KCNIP4: variants seen among roughly 807,000 people sequenced by gnomAD.
The protein encoded by KCNIP4 is potassium voltage-gated channel interacting protein 4.
Under a neutral mutation model 34.0 loss-of-function variants are expected in KCNIP4, and 12 were observed. That is an observed-to-expected ratio of 0.35 (90% CI 0.23 to 0.57). The LOEUF is 0.57. Among genes scored for constraint, KCNIP4 ranks in the 20% least tolerant of loss-of-function variants. The pLI, the probability that KCNIP4 is intolerant of heterozygous loss-of-function variation, is 0.83. For missense variants in KCNIP4, 238 were observed against 311.7 expected (o/e 0.76, Z 1.78); for synonymous variants, 124 against 102.2 (o/e 1.21, Z -1.29).
chr4:21,387,878 G>A (rs1056579432), intron 1 of KCNIP4, among the ~76,000 whole-genome samples: 1 of 152,162 alleles, frequency 6.6e-6, no homozygotes, highest in Non-Finnish European at 1.5e-5. Flanking sequence ...ACTATGACAG[G>A]TGTGGTGCTA....
At chr4:21,882,281 A>C (rs966815444) in intron 1 of KCNIP4, among the ~76,000 whole-genome samples, 4 of 152,152 alleles carry the variant, frequency 2.6e-5, no homozygotes, top group Non-Finnish European at 5.9e-5. Context: ...CACCACTGTG[A>C]GTGAAAAAAT....
At chr4:20,914,647 G>C (rs1379468772) in intron 1 of KCNIP4, among the ~76,000 whole-genome samples, 1 of 152,116 alleles carries the variant, frequency 6.6e-6, no homozygotes, top group Admixed American at 6.6e-5. Context: ...ATCACTATAG[G>C]CACTTAGAGA....
chr4:21,302,129 T>G (rs898402051), intron 1 of KCNIP4, among the ~76,000 whole-genome samples: 8 of 152,086 alleles, frequency 5.3e-5, no homozygotes, highest in African/African-American at 1.9e-4. Context: ...AAGAGAGAAA[T>G]TGTTCATACA....
intron 1 of KCNIP4, among the ~76,000 whole-genome samples, chr4:21,386,486 A>G (rs959337885): frequency 1.3e-5 from 2 of 152,190 alleles, no homozygotes; most frequent in Non-Finnish European, 2.9e-5. Flanking sequence ...TGTTGGCAAA[A>G]CACATAATTT....
intron 1 of KCNIP4, among the ~76,000 whole-genome samples, chr4:21,063,253 T>C: frequency 6.6e-6 from 1 of 152,136 alleles, no homozygotes. Context: ...GTCTGTTGCT[T>C]AAGCCACCCA....
intron 3 of KCNIP4, among the ~76,000 whole-genome samples, chr4:20,784,682 G>T (rs980219770): frequency 6.6e-6 from 1 of 151,820 alleles, no homozygotes; most frequent in African/African-American, 2.4e-5. Flanking sequence ...CAAAGTTATG[G>T]AATGTGTAGG....
intron 1 of KCNIP4, among the ~76,000 whole-genome samples, chr4:21,702,379 A>G (rs1712928016): frequency 6.6e-6 from 1 of 152,162 alleles, no homozygotes; most frequent in Admixed American, 6.6e-5. Flanking sequence ...AGCTCCAAAT[A>G]CAATCACATT....
intron 1 of KCNIP4, among the ~76,000 whole-genome samples, chr4:21,505,193 A>C (rs1415150107): frequency 1.3e-5 from 2 of 152,108 alleles, no homozygotes; most frequent in Non-Finnish European, 2.9e-5. Flanking sequence ...CATGTTCTTG[A>C]ACTGGTTCTG....
At chr4:21,321,806 AGAG>A (rs1250986442) in intron 1 of KCNIP4, among the ~76,000 whole-genome samples, 1 of 49,682 alleles carries the variant, frequency 2.0e-5, no homozygotes, top group Non-Finnish European at 4.3e-5. Context: ...GGGAGGGAGA[AGAG>A]GAGGGAAGGA....
chr4:21,798,576 AAGAAAGAAAG>A (rs1412672576), intron 1 of KCNIP4, among the ~76,000 whole-genome samples: 2 of 117,836 alleles, frequency 1.7e-5, no homozygotes, highest in South Asian at 2.6e-4. Flanking sequence ...GAAAGAAAGA[AAGAAAGAAAG>A]AGAAAAAATG....
intron 3 of KCNIP4, among the ~76,000 whole-genome samples, chr4:20,846,303 GT>G (rs1226475783): frequency 6.6e-6 from 1 of 152,104 alleles, no homozygotes; most frequent in Non-Finnish European, 1.5e-5. Flanking sequence ...GGAAGACTAG[GT>G]TATATATTAT....
intron 1 of KCNIP4, among the ~76,000 whole-genome samples, chr4:21,381,504 C>T (rs557355100): frequency 6.6e-6 from 1 of 152,072 alleles, no homozygotes; most frequent in African/African-American, 2.4e-5. Context: ...AGCATTACTC[C>T]CACCCAAATC....
At chr4:20,932,563 C>T (rs2149603881) in intron 1 of KCNIP4, among the ~76,000 whole-genome samples, 1 of 151,914 alleles carries the variant, frequency 6.6e-6, no homozygotes. Flanking sequence ...CTGCCTTTTC[C>T]CCAACCCCCA....
At chr4:20,925,954 C>G (rs537477433) in intron 1 of KCNIP4, among the ~76,000 whole-genome samples, 306 of 152,286 alleles carry the variant, frequency 2.0e-3, no homozygotes, top group African/African-American at 6.8e-3. Flanking sequence ...CTGATAAAAG[C>G]TCATTAGAGA....
At chr4:21,896,422 G>T (rs1034155552) in intron 1 of KCNIP4, among the ~76,000 whole-genome samples, 2 of 152,140 alleles carry the variant, frequency 1.3e-5, no homozygotes, top group Admixed American at 1.3e-4. Flanking sequence ...AAAAGGACTT[G>T]TGTTTGCAAC....
At chr4:21,255,394 C>T (rs1205909238) in intron 1 of KCNIP4, among the ~76,000 whole-genome samples, 3 of 151,776 alleles carry the variant, frequency 2.0e-5, no homozygotes, top group Admixed American at 2.0e-4. Flanking sequence ...CAGTTTTTTT[C>T]TTATCTCCCC....
At chr4:20,742,847 G>C (rs1751480222) in intron 5 of KCNIP4, among the ~76,000 whole-genome samples, 1 of 152,148 alleles carries the variant, frequency 6.6e-6, no homozygotes, top group South Asian at 2.1e-4. Context: ...TCCTTAAACT[G>C]ATAAGCAACT....
At chr4:21,463,436 A>T (rs1729648617) in intron 1 of KCNIP4, among the ~76,000 whole-genome samples, 1 of 152,028 alleles carries the variant, frequency 6.6e-6, no homozygotes, top group Admixed American at 6.6e-5. Context: ...CTGGGCAACC[A>T]TTAATCTAGT....
chr4:20,735,402 C>A (rs1422668443), intron 5 of KCNIP4, among the ~76,000 whole-genome samples: 1 of 152,072 alleles, frequency 6.6e-6, no homozygotes, highest in Non-Finnish European at 1.5e-5. Flanking sequence ...TTATAACAGT[C>A]CTTGGCAATG....
Sources: allele counts gnomAD v4.1 joint callset (sites outside exome capture counted in the v4.1 genomes callset), GRCh38; gene constraint gnomAD v4.1.1; transcripts MANE v1.5; gene names NCBI Gene and HGNC (gene_info 2026-07-23, HGNC 2026-07-21).